Variants in ARHGEF33 observed in about 807,000 individuals in gnomAD.
The protein encoded by ARHGEF33 is Rho guanine nucleotide exchange factor 33, also known as DH and coiled-coil domain-containing protein ENSP00000381780.
In ARHGEF33, 72 loss-of-function variants were observed where a neutral mutation model predicts 101.9. The ratio of observed to expected loss-of-function variants is 0.71; its 90% CI spans 0.58 to 0.86. ARHGEF33 has a LOEUF of 0.86. Ranked by LOEUF, ARHGEF33 falls within the 40% of genes least tolerant of loss-of-function variation. The pLI, the probability that ARHGEF33 is intolerant of heterozygous loss-of-function variation, is 0.00. For synonymous variants in ARHGEF33, 499 were observed against 442.5 expected (o/e 1.13, Z -1.60); for missense variants, 1,169 against 1,111.3 (o/e 1.05, Z -0.74).
At position 38,965,686 on chromosome 2, in the gene ARHGEF33, G is replaced by A. The variant is rs1423645156; in HGVS notation, c.2344-320G>A. Among the ~76,000 whole-genome samples the A allele has an allele frequency of 7.2e-5, 11 of 152,212 alleles. No homozygotes were observed. The East Asian group carries it at 1.3e-3, about 19-fold the overall frequency. On this transcript the variant is annotated intron_variant, in intron 16 of 17. Coordinates refer to ENST00000409978, the MANE Select transcript of ARHGEF33 (RefSeq NM_001145451.5). ...AATAATTTATTCACTCGTGGAGGAC[G>A]TTCTTGCAGTCTTCTTTTAAAGTCC...
chr2:38,959,964 G>C lies in ARHGEF33; in HGVS notation c.1659G>C (p.Leu553=), dbSNP rs368312303. ...AGCACGAGCGGCCCGAGAGCCTTCT[G>C]GCACCGACGCAGTTCTGCGCGGCCG... ...GRKHERPESL[L]APTQFCAAEQ... The change falls in exon 16 of 18, where the codon CTG becomes CTC. Residue 553 remains leucine (L), a synonymous_variant. Transcript: ENST00000409978. 6.4e-7 allele frequency: 1 copy of C among 1,551,340 alleles called. No homozygotes were observed. The highest frequency in any genetic ancestry group is 2.4e-5 in the East Asian group (1 of 40,894).
chr2:38,919,208 A>G (rs1230020065), intron 2 of ARHGEF33, among the ~76,000 whole-genome samples, 155 bp from the exon 3 acceptor site: 1 of 152,342 alleles, frequency 6.6e-6, no homozygotes, highest in African/African-American at 2.4e-5. Context: ...ATTTACCTTT[A>G]TGCTAAATGT....
chr2:38,972,018 T>C (rs181847766), intron 17 of ARHGEF33: 10 of 703,946 alleles, frequency 1.4e-5, no homozygotes, highest in African/African-American at 8.8e-5. Context: ...CAGATGTAGC[T>C]AAGAGGGGAA....
At chr2:38,922,843 A>G (rs1666791475) in intron 4 of ARHGEF33, among the ~76,000 whole-genome samples, 1 of 152,182 alleles carries the variant, frequency 6.6e-6, no homozygotes, top group Admixed American at 6.5e-5. Flanking sequence ...CAAGTTGATC[A>G]TTTGACAAGT....
At chr2:38,910,804 C>T (rs1306752359) in intron 2 of ARHGEF33, among the ~76,000 whole-genome samples, 1 of 152,182 alleles carries the variant, frequency 6.6e-6, no homozygotes, top group South Asian at 2.1e-4. Context: ...AGAGCCCACA[C>T]AGGAATTGAT....
chr2:38,968,958 A>G (rs1668111785), intron 17 of ARHGEF33, among the ~76,000 whole-genome samples: 1 of 152,224 alleles, frequency 6.6e-6, no homozygotes, highest in Non-Finnish European at 1.5e-5. Flanking sequence ...GAGGAAGGTC[A>G]GGGAGGCCCC....
intron 17 of ARHGEF33, among the ~76,000 whole-genome samples, chr2:38,967,276 A>C (rs1668069313): frequency 6.6e-6 from 1 of 152,030 alleles, no homozygotes; most frequent in African/African-American, 2.4e-5. Flanking sequence ...TGGGCCTCTG[A>C]CTGTTGGTCT....
At chr2:38,945,215 C>T (rs1375073884) in intron 10 of ARHGEF33, among the ~76,000 whole-genome samples, 1 of 152,088 alleles carries the variant, frequency 6.6e-6, no homozygotes, top group African/African-American at 2.4e-5. Context: ...TGAATCTACC[C>T]AGGGAAGCCC....
chr2:38,966,813 A>G lies in ARHGEF33; in HGVS notation c.2483+668A>G, dbSNP rs145212477. ...AGCACTGTCTTACAGTCTGGGAGGC[A>G]GTGGCCAAACCCCAGCATAAAATGT... On this transcript the variant is annotated intron_variant, in intron 17 of 17. Transcript: ENST00000409978. 8.0e-3 allele frequency among the ~76,000 whole-genome samples: 1,226 copies of G among 152,326 alleles called. 7 individuals carry two copies. The highest frequency in any genetic ancestry group is 0.014 in the Middle Eastern group (4 of 294).
rs1303721484 is a variant in ARHGEF33 at position 38,969,093 on chromosome 2, C to T, written c.2483+2948C>T. 3.9e-5 allele frequency among the ~76,000 whole-genome samples: 6 copies of T among 152,312 alleles called. No homozygotes were observed. In the East Asian group the frequency reaches 9.6e-4, roughly 24 times the overall value. On this transcript the variant is annotated intron_variant, in intron 17 of 17. Transcript: ENST00000409978. ...ACACTTGTATAGGAACCATGAGCGA[C>T]ATAGTCCCAGCCATTACACAGGAAC...
intron 15 of ARHGEF33, among the ~76,000 whole-genome samples, chr2:38,958,751 A>T (rs552196523): frequency 6.8e-4 from 103 of 152,264 alleles, no homozygotes; most frequent in African/African-American, 2.4e-3. Context: ...GCATGATCTC[A>T]GCTCACTGCA....
intron 16 of ARHGEF33, among the ~76,000 whole-genome samples, chr2:38,964,342 G>A (rs1034254071): frequency 1.3e-5 from 2 of 152,034 alleles, no homozygotes; most frequent in Non-Finnish European, 2.9e-5. Flanking sequence ...ACTTGCAACT[G>A]TAAAGACTGC....
intron 4 of ARHGEF33, among the ~76,000 whole-genome samples, chr2:38,922,332 G>C (rs1666776267): frequency 6.6e-6 from 1 of 152,046 alleles, no homozygotes; most frequent in South Asian, 2.1e-4. Flanking sequence ...TGGTAACTAG[G>C]AAAAAGAGTG....
rs184415162 is a variant in ARHGEF33 at position 38,895,367 on chromosome 2, A to T, written c.-158-410A>T. 7.2e-5 allele frequency among the ~76,000 whole-genome samples: 11 copies of T among 152,376 alleles called. No homozygotes were observed. The East Asian group carries it at 2.1e-3, about 29-fold the overall frequency. ...TTTCACTTGTCACTTGAAGTAGGTG[A>T]TTTAATGTGGAATATTAGAAAAGAC... On this transcript the variant is annotated intron_variant, in intron 1 of 17. Transcript: ENST00000409978.
chr2:38,905,811 G>A (rs576761607), intron 2 of ARHGEF33, among the ~76,000 whole-genome samples: 35 of 152,296 alleles, frequency 2.3e-4, no homozygotes, highest in Middle Eastern at 6.8e-3. Flanking sequence ...TCAGGTGAAG[G>A]AATCATTTTC....
At chr2:38,934,818 G>C (rs1169722569) in intron 7 of ARHGEF33, among the ~76,000 whole-genome samples, 2 of 151,938 alleles carry the variant, frequency 1.3e-5, no homozygotes, top group East Asian at 3.9e-4. Context: ...TAGTATGTTA[G>C]AGAGTGATGA....
At chr2:38,947,191 A>G (rs114191681) in intron 10 of ARHGEF33, among the ~76,000 whole-genome samples, 2 of 152,232 alleles carry the variant, frequency 1.3e-5, no homozygotes, top group Non-Finnish European at 2.9e-5. Flanking sequence ...ACAACTTGAC[A>G]TTCAAGCCTG....
At chr2:38,939,013 C>G (rs1558435189) in intron 9 of ARHGEF33, among the ~76,000 whole-genome samples, 1 of 152,184 alleles carries the variant, frequency 6.6e-6, no homozygotes. Context: ...TGCTCTTTCA[C>G]TGAGGCTGGA....
chr2:38,917,968 G>A (rs572471383), intron 2 of ARHGEF33, among the ~76,000 whole-genome samples: 5 of 152,194 alleles, frequency 3.3e-5, no homozygotes, highest in African/African-American at 1.2e-4. Flanking sequence ...TTAAACTTGC[G>A]TTTTCTTAAT....
Sources: gnomAD v4.1 joint callset for allele counts (sites outside exome capture counted in the v4.1 genomes callset) on GRCh38, gnomAD v4.1.1 for gene constraint, MANE v1.5 for transcripts, NCBI Gene and HGNC (gene_info 2026-07-23, HGNC 2026-07-21) for gene names.